The following LRIG1 variants were observed in gnomAD, a reference collection of about 807,000 sequenced individuals.
LRIG1 encodes leucine rich repeats and immunoglobulin like domains 1.
In LRIG1, 48 loss-of-function variants were observed where a neutral mutation model predicts 99.2. The ratio of observed to expected loss-of-function variants is 0.48; its 90% CI spans 0.38 to 0.62. LRIG1 has a LOEUF of 0.62. Ranked by LOEUF, LRIG1 falls within the 20% of genes least tolerant of loss-of-function variation. The pLI is 0.00. For missense variants in LRIG1, 1,646 were observed against 1,434.4 expected, an observed-to-expected ratio of 1.15 and a Z score of -2.38; for synonymous variants, 772 against 596.1, an observed-to-expected ratio of 1.29 and a Z score of -4.30.
intron 3 of LRIG1, among the ~76,000 whole-genome samples, chr3:66,443,270 G>C (rs1389167973): frequency 7.3e-6 from 1 of 137,778 alleles, no homozygotes. Flanking sequence ...AAGCCCGCCT[G>C]TTGAAAAAGA....
chr3:66,495,258 C>T (rs950680796), intron 1 of LRIG1, among the ~76,000 whole-genome samples: 1 of 152,200 alleles, frequency 6.6e-6, no homozygotes, highest in Non-Finnish European at 1.5e-5. Flanking sequence ...ATTTGCCCTT[C>T]CCTGCCTGGG....
In LRIG1 at chr3:66,380,032, C is replaced by G. The variant is rs897116231; in HGVS notation, c.*231G>C. ...CCTCTGTAAAAGATATATATGAAAT[C>G]TCTGAAAACTCTTATGTACAATGAT... On this transcript the variant is annotated 3_prime_UTR_variant, in exon 19 of 19. Coordinates refer to ENST00000273261, the MANE Select transcript of LRIG1 (RefSeq NM_015541.3). 1 of 377,822 alleles carries G rather than the reference C, an allele frequency of 2.6e-6. No individual in the cohort carries two copies. The highest frequency in any genetic ancestry group is 2.0e-5 in the African/African-American group (1 of 49,434). 23.4% of individuals were successfully genotyped at this position (377,822 alleles called of 1,614,324 possible).
Position 66,384,181 on chromosome 3 carries a change from G to C in LRIG1, c.1881C>G (p.Asn627Lys). The C allele has an allele frequency of 6.2e-7, 1 of 1,614,234 alleles. No homozygotes were observed. The highest frequency in any genetic ancestry group is 8.5e-7 in the Non-Finnish European group (1 of 1,180,046). The part of the protein sequence containing the change: ...RLECAATGHP[N>K]PQIAWQKDGG... Reference sequence around the variant, plus strand: ...CATCCTTCTGCCAGGCAATCTGAGGGTTTGGGTGACCTGTGGCAGCACATT... The same window carrying C: ...CATCCTTCTGCCAGGCAATCTGAGGCTTTGGGTGACCTGTGGCAGCACATT... Residue 627 changes from asparagine (N) to lysine (K), a missense_variant, in exon 14 of 19, where the codon AAC becomes AAG. Transcript: ENST00000273261.
intron 3 of LRIG1, among the ~76,000 whole-genome samples, chr3:66,440,233 C>T (rs1158962121): frequency 6.6e-6 from 1 of 152,110 alleles, no homozygotes; most frequent in Admixed American, 6.5e-5. Flanking sequence ...CCCTCTGCTC[C>T]CCAGCCCACT....
chr3:66,468,398 G>C (rs1218678659), intron 1 of LRIG1, among the ~76,000 whole-genome samples: 1 of 152,216 alleles, frequency 6.6e-6, no homozygotes, highest in East Asian at 1.9e-4. Flanking sequence ...CAAAGTGGAA[G>C]GAATTGGTCC....
chr3:66,474,203 A>G (rs180957541), intron 1 of LRIG1, among the ~76,000 whole-genome samples: 5 of 152,328 alleles, frequency 3.3e-5, no homozygotes, highest in Admixed American at 3.3e-4. Flanking sequence ...CCATCCTTGA[A>G]CATACTAAAA....
At chr3:66,425,441 A>C (rs930287756) in intron 3 of LRIG1, among the ~76,000 whole-genome samples, 1 of 152,220 alleles carries the variant, frequency 6.6e-6, no homozygotes. Context: ...TCAAGTTTTT[A>C]CTTTGAATGT....
intron 1 of LRIG1, among the ~76,000 whole-genome samples, chr3:66,476,082 T>C (rs1700716836): frequency 6.6e-6 from 1 of 152,138 alleles, no homozygotes; most frequent in Non-Finnish European, 1.5e-5. Flanking sequence ...ACTACCTATA[T>C]CAAATGGCAT....
In LRIG1 at chr3:66,473,653, G is replaced by A. The variant is rs553186315; in HGVS notation, c.219-11144C>T. 7.2e-5 allele frequency among the ~76,000 whole-genome samples: 11 copies of A among 152,228 alleles called. No homozygotes were observed. The South Asian group carries it at 2.1e-3, about 29-fold the overall frequency. On this transcript the variant is annotated intron_variant, in intron 1 of 18. Transcript: ENST00000273261. ...ATACAAATACAGACAGCAGATCCCT[G>A]GTATTAAATCAGCCAAATTAGAAAA...
At chr3:66,427,934 A>C (rs1046271976) in intron 3 of LRIG1, among the ~76,000 whole-genome samples, 1 of 152,192 alleles carries the variant, frequency 6.6e-6, no homozygotes. Context: ...ATTGTTTATG[A>C]GATCCATCTG....
At chr3:66,445,954 C>T (rs1032520623) in intron 3 of LRIG1, among the ~76,000 whole-genome samples, 1 of 152,188 alleles carries the variant, frequency 6.6e-6, no homozygotes, top group Non-Finnish European at 1.5e-5. Flanking sequence ...CACTCCAGGT[C>T]ACTTCCAGCT....
At position 66,469,592 on chromosome 3, in the gene LRIG1, CAT is replaced by C. The variant is rs1317996797; in HGVS notation, c.219-7085_219-7084del. Among the ~76,000 whole-genome samples the C allele has an allele frequency of 1.8e-4, 28 of 152,208 alleles. 1 individual carries two copies. The highest frequency in any genetic ancestry group is 9.8e-4 in the Admixed American group (15 of 15,276). On this transcript the variant is annotated intron_variant, in intron 1 of 18. Transcript: ENST00000273261. ...TGCTTCTCGGCCTTACTAGTTCACA[CAT>C]GTCATCCTGGTCTGTAGCTAATTTG... is the stretch of plus-strand genomic sequence containing the variant.
rs747561805 is a variant in LRIG1 at position 66,379,828 on chromosome 3, G to A, written c.*435C>T. On this transcript the variant is annotated 3_prime_UTR_variant, in exon 19 of 19. Transcript: ENST00000273261. ...CAAGGCCTTCCATCCTTCCCACCCC[G>A]CACCAAAAACTCCTGTGAACAAATG... is the stretch of plus-strand genomic sequence containing the variant. 2.0e-4 allele frequency: 33 copies of A among 163,344 alleles called. No individual in the cohort carries two copies. Among genetic ancestry groups the A allele is most frequent in the Middle Eastern group, 3.2e-3 (1 of 314 alleles). The allele number at this position is 163,344 out of a possible 1,614,324, so 10.1% of individuals were successfully genotyped here.
At chr3:66,415,263 C>T (rs1449202085) in intron 4 of LRIG1, among the ~76,000 whole-genome samples, 200 bp from the exon 5 acceptor site, 1 of 152,248 alleles carries the variant, frequency 6.6e-6, no homozygotes, top group Middle Eastern at 3.4e-3. Context: ...TGCACCTAAG[C>T]CCTGAGGGCA....
At chr3:66,402,332 C>T (rs1322111075) in intron 9 of LRIG1, among the ~76,000 whole-genome samples, 2 of 152,222 alleles carry the variant, frequency 1.3e-5, no homozygotes, top group Admixed American at 1.3e-4. Flanking sequence ...AGCAGAATCC[C>T]AGACCAGTTA....
chr3:66,445,628 ATTC>A (rs931846200), intron 3 of LRIG1, among the ~76,000 whole-genome samples: 4 of 152,206 alleles, frequency 2.6e-5, no homozygotes, highest in African/African-American at 9.6e-5. Context: ...TTAAAGACAA[ATTC>A]TTATTTCATC....
intron 1 of LRIG1, among the ~76,000 whole-genome samples, chr3:66,471,230 C>T (rs73836303): frequency 0.048 from 7,345 of 152,190 alleles, 591 homozygotes; most frequent in African/African-American, 0.17. Context: ...AAATGGGGAG[C>T]GGGAAGAGAT....
At chr3:66,474,696 C>T (rs1700679401) in intron 1 of LRIG1, among the ~76,000 whole-genome samples, 1 of 152,102 alleles carries the variant, frequency 6.6e-6, no homozygotes, top group Non-Finnish European at 1.5e-5. Context: ...ACGCCTGTCC[C>T]CTCCCCAACC....
In LRIG1 at chr3:66,380,687, C is replaced by G; in HGVS notation, c.2945G>C (p.Arg982Thr). Residue 982 changes from arginine (R) to threonine (T), a missense_variant, in exon 18 of 19, where the codon AGG becomes ACG. Physicochemically the swap from Arg to Thr is moderately conservative, Grantham distance 71. Coordinates refer to ENST00000273261, the MANE Select transcript of LRIG1 (RefSeq NM_015541.3). ...CTCGGGGCAGGACCCAGCGGCAGTC[C>G]TGCTGCACTGGTGATGTGGAGAATG... is the stretch of plus-strand genomic sequence containing the variant. ...QEHSPHHQCS[R>T]TAAGSCPECQ... 12 of 1,614,218 alleles carry G rather than the reference C, an allele frequency of 7.4e-6. No individual in the cohort carries two copies. Among genetic ancestry groups the G allele is most frequent in the Non-Finnish European group, 1.0e-5 (12 of 1,180,034 alleles).
Sources: allele counts gnomAD v4.1 joint callset (sites outside exome capture counted in the v4.1 genomes callset), GRCh38; gene constraint gnomAD v4.1.1; transcripts MANE v1.5; gene names NCBI Gene and HGNC (gene_info 2026-07-23, HGNC 2026-07-21).